The following TBC1D16 variants were observed in gnomAD, a reference collection of about 807,000 sequenced individuals.
TBC1D16 encodes TBC1 domain family member 16, also known as CTD-2529O21.1.
A neutral mutation model predicts 74.7 loss-of-function variants in TBC1D16; 58 were observed. The observed-to-expected ratio is 0.78, with a 90% CI of 0.63 to 0.97. The LOEUF (loss-of-function observed/expected upper bound fraction) is 0.97, where lower values mean the gene tolerates loss of function less well. TBC1D16 is among the 50% of genes least tolerant of loss of function. The pLI, the probability that TBC1D16 is intolerant of heterozygous loss-of-function variation, is 0.00. For synonymous variants in TBC1D16, 493 were observed against 474.7 expected, an observed-to-expected ratio of 1.04 and a Z score of -0.50; for missense variants, 1,014 against 1,079.5, an observed-to-expected ratio of 0.94 and a Z score of 0.85.
intron 3 of TBC1D16, among the ~76,000 whole-genome samples, chr17:80,006,391 G>C (rs757392163): frequency 6.6e-6 from 1 of 152,146 alleles, no homozygotes; most frequent in Non-Finnish European, 1.5e-5. Context: ...GATTTTTAAA[G>C]CTGCCCAGGG....
intron 1 of TBC1D16, among the ~76,000 whole-genome samples, chr17:80,029,217 A>C (rs2036691581): frequency 6.6e-6 from 1 of 151,892 alleles, no homozygotes; most frequent in Non-Finnish European, 1.5e-5. Flanking sequence ...CCAGGACGAG[A>C]GCGCTTTGAG....
At chr17:79,989,806 G>A (rs1598395988) in intron 3 of TBC1D16, among the ~76,000 whole-genome samples, 1 of 152,290 alleles carries the variant, frequency 6.6e-6, no homozygotes, top group Non-Finnish European at 1.5e-5. Context: ...AGATGACTGG[G>A]GTCAAGGGGT....
chr17:80,007,293 C>A lies in TBC1D16; in HGVS notation c.779+2867G>T, dbSNP rs917824229. ...GGGTGGGGACGAGTCCCAGGCCAGG[C>A]TCGCTGACCCCATACCCCAGGCTGG... On this transcript the variant is annotated intron_variant, in intron 3 of 11. Coordinates refer to ENST00000310924, the MANE Select transcript of TBC1D16 (RefSeq NM_019020.4). This position sits in a 1 kb window ranked among gnomAD's most constrained non-coding sequence, Gnocchi z 4.5. 3.9e-5 allele frequency among the ~76,000 whole-genome samples: 6 copies of A among 152,138 alleles called. No homozygotes were observed. The highest frequency in any genetic ancestry group is 1.2e-4 in the African/African-American group (5 of 41,428).
Position 79,970,851 on chromosome 17 carries a change from C to T in TBC1D16, c.780-18033G>A, listed in dbSNP as rs575525033. ...CCTTGTACGAGTCCCAGTGCAAAAA[C>T]AGCGCCACCCTGGAAACGGAGAGTC... On this transcript the variant is annotated intron_variant, in intron 3 of 11. Coordinates refer to ENST00000310924, the MANE Select transcript of TBC1D16 (RefSeq NM_019020.4). Among the ~76,000 whole-genome samples, 295 of 30,612 alleles carry T rather than the reference C, an allele frequency of 9.6e-3. 1 individual carries two copies. Among genetic ancestry groups the T allele is most frequent in the Middle Eastern group, 0.035 (3 of 86 alleles). The allele number at this position is 30,612 out of a possible 152,430, so 20.1% of individuals were successfully genotyped here. A position where few individuals can be genotyped will look rare whatever the true frequency, so the allele number is the denominator to read the frequency against.
rs374282827 is a variant in TBC1D16 at position 79,940,999 on chromosome 17, C to T, written c.2164G>A (p.Ala722Thr). ...GGATGGTGGCCGGTGCACTCCACCG[C>T]GGGCATGGAGCCGCTGTCCCACATG... ...SGMWDSGSMP[A>T]VECTGHHPGS... The change falls in exon 12 of 12, where the codon GCG (alanine) becomes ACG (threonine). Residue 722 changes from alanine to threonine, a missense_variant. Coordinates refer to ENST00000310924, the MANE Select transcript of TBC1D16 (RefSeq NM_019020.4). This position sits in a 1 kb window ranked among gnomAD's most constrained non-coding sequence, Gnocchi z 5.4. 2.4e-4 allele frequency: 382 copies of T among 1,608,150 alleles called. No individual in the cohort carries two copies. The highest frequency in any genetic ancestry group is 3.1e-4 in the Non-Finnish European group (365 of 1,178,210).
rs143925568 is a variant in TBC1D16 at position 79,969,890 on chromosome 17, C to T, written c.780-17072G>A. On this transcript the variant is annotated intron_variant, in intron 3 of 11. Coordinates refer to ENST00000310924, the MANE Select transcript of TBC1D16 (RefSeq NM_019020.4). Reference sequence around the variant, plus strand: ...CCGGGAGGCGGAGGTTGCAGTGAGCCGAGATCACGCCATTGCACTGCAGCC... The same window carrying T: ...CCGGGAGGCGGAGGTTGCAGTGAGCTGAGATCACGCCATTGCACTGCAGCC... Among the ~76,000 whole-genome samples the T allele has an allele frequency of 1.9e-3, 287 of 152,200 alleles. 1 individual carries two copies. The highest frequency in any genetic ancestry group is 6.5e-3 in the African/African-American group (269 of 41,522).
intron 3 of TBC1D16, chr17:79,992,757 C>G (rs1437205208): frequency 1.3e-5 from 2 of 152,488 alleles, no homozygotes; most frequent in Admixed American, 1.3e-4. Context: ...AACATTCCCA[C>G]TTCCAACTCT....
chr17:80,015,046 T>G (rs57422699), intron 1 of TBC1D16, among the ~76,000 whole-genome samples: 1,654 of 152,244 alleles, frequency 0.011, 17 homozygotes, highest in Non-Finnish European at 0.017. Context: ...AACCTCTAGA[T>G]AGCAGATGAG....
chr17:79,956,292 C>T lies in TBC1D16; in HGVS notation c.780-3474G>A, dbSNP rs1212773391. On this transcript the variant is annotated intron_variant, in intron 3 of 11. Coordinates refer to ENST00000310924, the MANE Select transcript of TBC1D16 (RefSeq NM_019020.4). This position sits in a 1 kb window ranked among gnomAD's most constrained non-coding sequence, Gnocchi z 4.0. ...TTTTAAAGACAAGGTCTCCCTCTAT[C>T]CCCCTGGCTGAAGTGCGGTGGTGCA... 2.0e-5 allele frequency among the ~76,000 whole-genome samples: 3 copies of T among 152,180 alleles called. No homozygotes were observed. Among genetic ancestry groups the T allele is most frequent in the Non-Finnish European group, 2.9e-5 (2 of 68,026 alleles).
At chr17:79,974,004 T>TA (rs775678420) in intron 3 of TBC1D16, among the ~76,000 whole-genome samples, 15 of 152,258 alleles carry the variant, frequency 9.9e-5, no homozygotes, top group Non-Finnish European at 1.8e-4. Context: ...GGAAGCGCTT[T>TA]ATGGCTTCTC....
At chr17:80,019,186 T>C (rs1215964368) in intron 1 of TBC1D16, among the ~76,000 whole-genome samples, 1 of 150,146 alleles carries the variant, frequency 6.7e-6, no homozygotes, top group Non-Finnish European at 1.5e-5. Context: ...ATCAAAAGAA[T>C]GTGCTGGAAG....
In TBC1D16 at chr17:79,950,419, G is replaced by A. The variant is rs1472982715; in HGVS notation, c.1249C>T (p.Leu417=). The A allele has an allele frequency of 1.2e-6, 2 of 1,609,786 alleles. No individual in the cohort carries two copies. Among genetic ancestry groups the A allele is most frequent in the Non-Finnish European group, 1.7e-6 (2 of 1,178,812 alleles). Residue 417 remains leucine, a synonymous_variant, in exon 6 of 12, where the codon CTG becomes TTG. Coordinates refer to ENST00000310924, the MANE Select transcript of TBC1D16 (RefSeq NM_019020.4). The surrounding 1 kb of genome is among the most constrained non-coding windows in gnomAD (Gnocchi z 4.6). ...ELGQVEEEYK[L]RKAIFFGGID... ...GCGGACCCGGACCTCACCTTCCGCA[G>A]CTTGTACTCCTCCTCCACCTGGCCC...
chr17:79,949,801 T>G lies in TBC1D16; in HGVS notation c.1322A>C (p.Tyr441Ser). 1.2e-6 allele frequency: 2 copies of G among 1,613,788 alleles called. No homozygotes were observed. Among genetic ancestry groups the G allele is most frequent in the Non-Finnish European group, 1.7e-6 (2 of 1,179,962 alleles). ...RGEVWPFLLR[Y>S]YSHESTSEER... The stretch of plus-strand genomic sequence containing the variant: ...CTCCGACGTGGACTCGTGGCTGTAA[T>G]AGCGCAGCAGGAAGGGCCAGACCTC... The change falls in exon 7 of 12, where the codon TAT (tyrosine) becomes TCT (serine). Residue 441 changes from tyrosine (Y) to serine (S), a missense_variant. Transcript: ENST00000310924.
At position 79,940,668 on chromosome 17, in the gene TBC1D16, A is replaced by G. The variant is rs1349482108; in HGVS notation, c.*191T>C. The G allele has an allele frequency of 1.6e-6, 1 of 636,686 alleles. No individual in the cohort carries two copies. The highest frequency in any genetic ancestry group is 1.8e-5 in the African/African-American group (1 of 54,062). The allele number at this position is 636,686 out of a possible 1,614,324, so 39.4% of individuals were successfully genotyped here. On this transcript the variant is annotated 3_prime_UTR_variant, in exon 12 of 12. Coordinates refer to ENST00000310924, the MANE Select transcript of TBC1D16 (RefSeq NM_019020.4). This position sits in a 1 kb window ranked among gnomAD's most constrained non-coding sequence, Gnocchi z 5.4. ...AGCTGACTTTCCTCTGGGTGGCTGT[A>G]GATCTGACTTCTGTCACTTCCAGAC...
intron 3 of TBC1D16, among the ~76,000 whole-genome samples, chr17:79,978,598 A>C (rs2034441846): frequency 6.6e-6 from 1 of 152,206 alleles, no homozygotes; most frequent in African/African-American, 2.4e-5. Flanking sequence ...AAATTAAGAA[A>C]AATTCCACTG....
chr17:79,976,554 G>A (rs370309506), intron 3 of TBC1D16, among the ~76,000 whole-genome samples: 3 of 152,308 alleles, frequency 2.0e-5, no homozygotes, highest in African/African-American at 7.2e-5. Context: ...GAGCTCAAAA[G>A]CGTGAGGGAA....
At chr17:80,006,265 G>A (rs1293374907) in intron 3 of TBC1D16, among the ~76,000 whole-genome samples, 2 of 151,528 alleles carry the variant, frequency 1.3e-5, no homozygotes, top group Non-Finnish European at 2.9e-5. Context: ...TTCACAGCAG[G>A]GGTTCTCAAC....
intron 7 of TBC1D16, 95 bp from the exon 8 acceptor site, chr17:79,949,101 C>G (rs1177794785): frequency 6.5e-7 from 1 of 1,543,194 alleles, no homozygotes; most frequent in Admixed American, 1.7e-5. Flanking sequence ...TCCTCCCAAC[C>G]CCCGTTCCCT....
chr17:79,937,406 AC>A lies in TBC1D16; in HGVS notation c.*3452del. 1 of 149,730 alleles carries A rather than the reference AC, an allele frequency of 6.7e-6. No individual in the cohort carries two copies. The allele number at this position is 149,730 out of a possible 1,614,324, so 9.3% of individuals were successfully genotyped here. On this transcript the variant is annotated 3_prime_UTR_variant, in exon 12 of 12. Coordinates refer to ENST00000310924, the MANE Select transcript of TBC1D16 (RefSeq NM_019020.4). ...TTCATCTTGTCCTGATGCCCTGCCC[AC>A]CCCCGCCGAGCTTCACACTGGGCTG...
Sources: allele counts gnomAD v4.1 joint callset (sites outside exome capture counted in the v4.1 genomes callset), GRCh38; gene constraint gnomAD v4.1.1; non-coding constraint Gnocchi (gnomAD v3.1); transcripts MANE v1.5; gene names NCBI Gene and HGNC (gene_info 2026-07-23, HGNC 2026-07-21).